CDK14: variants seen among roughly 807,000 people sequenced by gnomAD.
CDK14 encodes the protein cyclin-dependent kinase 14.
Under a neutral mutation model 60.7 loss-of-function variants are expected in CDK14, and 34 were observed. The observed-to-expected ratio is 0.56, with a 90% CI of 0.43 to 0.75. CDK14 has a LOEUF of 0.75. Among genes scored for constraint, CDK14 ranks in the 30% least tolerant of loss-of-function variants. The probability of loss-of-function intolerance (pLI) is 0.00; values close to 1 mark genes in which losing one functional copy is unlikely to be tolerated. For synonymous variants in CDK14, 197 were observed against 203.7 expected, an observed-to-expected ratio of 0.97 and a Z score of 0.28; for missense variants, 482 against 564.1, an observed-to-expected ratio of 0.85 and a Z score of 1.47.
intron 14 of CDK14, among the ~76,000 whole-genome samples, chr7:91,167,857 G>T (rs965831795): frequency 6.6e-6 from 1 of 152,204 alleles, no homozygotes; most frequent in Non-Finnish European, 1.5e-5. Flanking sequence ...TGAAATTGTT[G>T]TGTAGAAGGT....
At chr7:90,847,341 G>C (rs1584040274) in intron 5 of CDK14, among the ~76,000 whole-genome samples, 1 of 152,044 alleles carries the variant, frequency 6.6e-6, no homozygotes, top group Non-Finnish European at 1.5e-5. Context: ...ATAAGTACCT[G>C]CCTTAGAAGA....
intron 8 of CDK14, among the ~76,000 whole-genome samples, chr7:90,933,729 C>G (rs1011568764): frequency 6.6e-6 from 1 of 152,120 alleles, no homozygotes; most frequent in Non-Finnish European, 1.5e-5. Context: ...AGGACAGAGA[C>G]AGGGCTCAGT....
At chr7:91,007,619 A>T (rs1022075676) in intron 10 of CDK14, among the ~76,000 whole-genome samples, 1 of 152,218 alleles carries the variant, frequency 6.6e-6, no homozygotes, top group Non-Finnish European at 1.5e-5. Context: ...CCACCACAGG[A>T]GCAAAATAAA....
Position 90,617,526 on chromosome 7 carries a change from A to G in CDK14, c.123+13277A>G, listed in dbSNP as rs1030658665. ...AAGATTCCTGCCATAGATCTATGTC[A>G]TTTTTGAACTGAGTTACACACATTT... On this transcript the variant is annotated intron_variant, in intron 2 of 14. Transcript: ENST00000380050. 9.9e-5 allele frequency among the ~76,000 whole-genome samples: 15 copies of G among 152,172 alleles called. No homozygotes were observed. The East Asian group carries it at 1.2e-3, about 12-fold the overall frequency.
intron 2 of CDK14, among the ~76,000 whole-genome samples, chr7:90,717,131 C>T (rs73707489): frequency 0.013 from 1,969 of 152,018 alleles, 42 homozygotes; most frequent in African/African-American, 0.044. Context: ...TAAAACCTTA[C>T]GTTAAATTTA....
intron 5 of CDK14, among the ~76,000 whole-genome samples, chr7:90,803,001 T>C (rs1378796277): frequency 1.3e-5 from 2 of 152,192 alleles, no homozygotes; most frequent in African/African-American, 4.8e-5. Flanking sequence ...TCTTGTTGAT[T>C]GTCAGCTCAT....
intron 14 of CDK14, among the ~76,000 whole-genome samples, chr7:91,138,757 CCT>C (rs1395995013): frequency 1.3e-5 from 2 of 151,492 alleles, no homozygotes; most frequent in African/African-American, 4.9e-5. Flanking sequence ...TCTTTCTTTC[CCT>C]CTTTTTTTCC....
chr7:90,710,467 A>T (rs1334565566), intron 2 of CDK14: 1 of 985,076 alleles, frequency 1.0e-6, no homozygotes, highest in Non-Finnish European at 1.2e-6. Flanking sequence ...TCTCTAATAT[A>T]TTAGAGACCT....
intron 10 of CDK14, among the ~76,000 whole-genome samples, chr7:91,002,462 A>G (rs183663736): frequency 6.6e-6 from 1 of 152,212 alleles, no homozygotes; most frequent in South Asian, 2.1e-4. Context: ...AATTATTTTG[A>G]TCACTTGTGT....
intron 2 of CDK14, among the ~76,000 whole-genome samples, chr7:90,679,330 A>G (rs1801267549): frequency 6.6e-6 from 1 of 152,226 alleles, no homozygotes; most frequent in South Asian, 2.1e-4. Context: ...ACTTGAATTA[A>G]CAAAATAATC....
chr7:91,009,109 A>G (rs1235730737), intron 10 of CDK14, among the ~76,000 whole-genome samples: 1 of 152,200 alleles, frequency 6.6e-6, no homozygotes, highest in African/African-American at 2.4e-5. Flanking sequence ...AATTGGAAAC[A>G]TAAGTTATCT....
intron 13 of CDK14, among the ~76,000 whole-genome samples, chr7:91,117,057 T>G (rs998894392): frequency 6.8e-6 from 1 of 147,264 alleles, no homozygotes. Context: ...CATATCCAAC[T>G]GACACTCAAC....
At chr7:90,668,279 C>G (rs1801026056) in intron 2 of CDK14, among the ~76,000 whole-genome samples, 1 of 152,154 alleles carries the variant, frequency 6.6e-6, no homozygotes, top group Admixed American at 6.5e-5. Flanking sequence ...ATGTTAAGCA[C>G]TTTTTCATTG....
chr7:90,860,511 G>A (rs938511435), intron 5 of CDK14, among the ~76,000 whole-genome samples: 6 of 149,590 alleles, frequency 4.0e-5, no homozygotes, highest in African/African-American at 1.5e-4. Context: ...ATGGGGATGT[G>A]ATGTGTCTCA....
At chr7:90,904,599 A>G (rs1055766193) in intron 7 of CDK14, among the ~76,000 whole-genome samples, 3 of 152,160 alleles carry the variant, frequency 2.0e-5, no homozygotes, top group Admixed American at 1.3e-4. Flanking sequence ...AGAAAGTATC[A>G]AAAAATCAGA....
chr7:90,794,758 G>T (rs1277884913), intron 5 of CDK14, among the ~76,000 whole-genome samples: 1 of 152,182 alleles, frequency 6.6e-6, no homozygotes, highest in Non-Finnish European at 1.5e-5. Flanking sequence ...CTCAGCTTAT[G>T]AAGATGATGG....
chr7:90,966,071 C>A (rs1164167819), intron 9 of CDK14, among the ~76,000 whole-genome samples: 1 of 152,088 alleles, frequency 6.6e-6, no homozygotes, highest in East Asian at 1.9e-4. Context: ...TAGAAAACTT[C>A]TTGAATTTCT....
intron 2 of CDK14, among the ~76,000 whole-genome samples, chr7:90,649,248 C>CAG (rs1800537258): frequency 4.0e-5 from 1 of 25,122 alleles, no homozygotes; most frequent in Non-Finnish European, 8.5e-5. Flanking sequence ...TTCTTTCTTT[C>CAG]TTTCTTTCTT....
intron 1 of CDK14, among the ~76,000 whole-genome samples, chr7:90,599,320 A>C (rs1043415379): frequency 6.6e-6 from 1 of 152,236 alleles, no homozygotes. Context: ...CTGATCTTAT[A>C]GATAGAAAGC....
Sources: allele counts gnomAD v4.1 joint callset (sites outside exome capture counted in the v4.1 genomes callset), GRCh38; gene constraint gnomAD v4.1.1; transcripts MANE v1.5; gene names NCBI Gene and HGNC (gene_info 2026-07-23, HGNC 2026-07-21).